The following TAF1B variants were observed in gnomAD, a reference collection of about 807,000 sequenced individuals.
TAF1B encodes TATA box-binding protein-associated factor RNA polymerase I subunit B.
A neutral mutation model predicts 83.9 loss-of-function variants in TAF1B; 61 were observed. The ratio of observed to expected loss-of-function variants is 0.73; its 90% CI spans 0.59 to 0.90. The LOEUF is 0.90. TAF1B is among the 40% of genes least tolerant of loss of function. TAF1B has a pLI of 0.00. For missense variants in TAF1B, 625 were observed against 677.0 expected, an observed-to-expected ratio of 0.92 and a Z score of 0.85; for synonymous variants, 221 against 224.6, an observed-to-expected ratio of 0.98 and a Z score of 0.14.
At chr2:9,867,500 T>G (rs952729829) in intron 5 of TAF1B, among the ~76,000 whole-genome samples, 10 of 152,238 alleles carry the variant, frequency 6.6e-5, no homozygotes, top group African/African-American at 9.6e-5. Context: ...TTTGTTTTTT[T>G]GGGTTTTCTT....
At chr2:9,886,428 T>C (rs1664675789) in intron 8 of TAF1B, among the ~76,000 whole-genome samples, 1 of 152,216 alleles carries the variant, frequency 6.6e-6, no homozygotes, top group Admixed American at 6.5e-5. Flanking sequence ...ATGGTGGTAT[T>C]TTATAATTTC....
intron 12 of TAF1B, among the ~76,000 whole-genome samples, chr2:9,916,998 C>T (rs189844818): frequency 6.6e-6 from 1 of 152,122 alleles, no homozygotes; most frequent in African/African-American, 2.4e-5. Flanking sequence ...AGGCATGTGC[C>T]ACCATGCCCA....
chr2:9,923,863 T>C (rs909993332), intron 14 of TAF1B, among the ~76,000 whole-genome samples: 2 of 152,144 alleles, frequency 1.3e-5, no homozygotes, highest in Non-Finnish European at 2.9e-5. Flanking sequence ...GAAGAGTGCT[T>C]GCCCACAACT....
At chr2:9,887,884 A>C (rs1664729110) in intron 8 of TAF1B, among the ~76,000 whole-genome samples, 1 of 151,640 alleles carries the variant, frequency 6.6e-6, no homozygotes, top group African/African-American at 2.4e-5. Flanking sequence ...ATAGGGTCTT[A>C]TTCTGTCACC....
intron 4 of TAF1B, 139 bp from the exon 5 acceptor site, chr2:9,854,187 G>A: frequency 1.6e-6 from 1 of 625,652 alleles, no homozygotes. Flanking sequence ...TTCTCAACTT[G>A]TGAATACCAC....
At position 9,918,595 on chromosome 2, in the gene TAF1B, G is replaced by C. The variant is rs1419306917; in HGVS notation, c.1272-446G>C. Among the ~76,000 whole-genome samples, 3 of 152,198 alleles carry C rather than the reference G, an allele frequency of 2.0e-5. No homozygotes were observed. The East Asian group carries it at 5.8e-4, about 29-fold the overall frequency. On this transcript the variant is annotated intron_variant, in intron 12 of 14. Coordinates refer to ENST00000263663, the MANE Select transcript of TAF1B (RefSeq NM_005680.3). ...GAATAGAATAGATTTCCTGGCATCA[G>C]ATGCCAGAGAGACGCATTTACTGTT... is the stretch of plus-strand genomic sequence containing the variant.
intron 8 of TAF1B, among the ~76,000 whole-genome samples, chr2:9,883,653 A>C (rs1406135363): frequency 6.6e-6 from 1 of 152,222 alleles, no homozygotes; most frequent in African/African-American, 2.4e-5. Flanking sequence ...AATGTAGGAG[A>C]ACTGCTTGCA....
chr2:9,895,525 T>C (rs1398596457), intron 8 of TAF1B, among the ~76,000 whole-genome samples: 1 of 152,150 alleles, frequency 6.6e-6, no homozygotes, highest in Non-Finnish European at 1.5e-5. Flanking sequence ...AAGTATTTTT[T>C]CTACTACATG....
intron 8 of TAF1B, among the ~76,000 whole-genome samples, chr2:9,895,813 CT>C (rs34044860): frequency 0.071 from 7,975 of 112,382 alleles, 202 homozygotes; most frequent in African/African-American, 0.079. Flanking sequence ...GCACTGCACT[CT>C]TTTTTTTTTT....
chr2:9,872,706 G>T (rs1664204354), intron 6 of TAF1B, among the ~76,000 whole-genome samples: 1 of 152,186 alleles, frequency 6.6e-6, no homozygotes, highest in Non-Finnish European at 1.5e-5. Context: ...TTAACTGGAA[G>T]TCCTTACATA....
At chr2:9,933,703 T>TG (rs1285532063) in intron 14 of TAF1B, 80 bp from the exon 15 acceptor site, 17 of 1,157,312 alleles carry the variant, frequency 1.5e-5, no homozygotes, top group Non-Finnish European at 2.1e-5. Context: ...CTAAGTTATT[T>TG]GGGGGGATGT....
intron 2 of TAF1B, among the ~76,000 whole-genome samples, chr2:9,847,773 A>G (rs761900447): frequency 3.9e-5 from 6 of 152,230 alleles, no homozygotes; most frequent in Non-Finnish European, 5.9e-5. Context: ...TGATCATAAG[A>G]GCAATGCATG....
chr2:9,885,273 C>T (rs1225770828), intron 8 of TAF1B, among the ~76,000 whole-genome samples: 1 of 152,144 alleles, frequency 6.6e-6, no homozygotes, highest in African/African-American at 2.4e-5. Context: ...GGGATATCAG[C>T]TGAACTGTTT....
At chr2:9,915,558 G>C (rs1463587380) in intron 12 of TAF1B, among the ~76,000 whole-genome samples, 1 of 152,104 alleles carries the variant, frequency 6.6e-6, no homozygotes, top group Non-Finnish European at 1.5e-5. Context: ...ATAGGGAAAT[G>C]CAAATTAAAA....
intron 14 of TAF1B, among the ~76,000 whole-genome samples, chr2:9,930,287 C>T (rs1387022689): frequency 6.6e-6 from 1 of 152,144 alleles, no homozygotes; most frequent in Admixed American, 6.5e-5. Context: ...GATTTTAGAT[C>T]TTTCCTGCTT....
At chr2:9,863,291 G>A (rs1331700259) in intron 5 of TAF1B, among the ~76,000 whole-genome samples, 2 of 152,286 alleles carry the variant, frequency 1.3e-5, no homozygotes, top group Non-Finnish European at 2.9e-5. Context: ...GGCAGGGGTT[G>A]TAATCCTAGT....
In TAF1B at chr2:9,919,589, C is replaced by G; in HGVS notation, c.1343-9C>G. 6.2e-7 allele frequency: 1 copy of G among 1,602,638 alleles called. No individual in the cohort carries two copies. The highest frequency in any genetic ancestry group is 8.5e-7 in the Non-Finnish European group (1 of 1,173,184). ...TGTTATTTTGTTTCCTTTTTTTCTC[C>G]GGTTCCAGAAATGGTGGTGAATCTA... On this transcript the variant is annotated splice_polypyrimidine_tract_variant and intron_variant, in intron 13 of 14. Transcript: ENST00000263663.
intron 8 of TAF1B, 143 bp downstream of exon 8, chr2:9,882,948 G>T: frequency 1.8e-6 from 1 of 556,560 alleles, no homozygotes; most frequent in Non-Finnish European, 3.1e-6. Flanking sequence ...ACGAAGAGTA[G>T]AATTTTATTA....
intron 5 of TAF1B, among the ~76,000 whole-genome samples, chr2:9,859,359 G>C (rs1663674310): frequency 6.6e-6 from 1 of 150,658 alleles, no homozygotes; most frequent in African/African-American, 2.4e-5. Flanking sequence ...CTTCAGCCTG[G>C]ACTTCATTGT....
Sources: allele counts gnomAD v4.1 joint callset (sites outside exome capture counted in the v4.1 genomes callset), GRCh38; gene constraint gnomAD v4.1.1; transcripts MANE v1.5; gene names NCBI Gene and HGNC (gene_info 2026-07-23, HGNC 2026-07-21).